GAS2: variants seen among roughly 807,000 people sequenced by gnomAD.
The protein encoded by GAS2 is growth arrest-specific protein 2.
A neutral mutation model predicts 37.5 loss-of-function variants in GAS2; 20 were observed. That is an observed-to-expected ratio of 0.53 (90% CI 0.37 to 0.77). The LOEUF (loss-of-function observed/expected upper bound fraction) is 0.77. Among genes scored for constraint, GAS2 ranks in the 30% least tolerant of loss-of-function variants. GAS2 has a pLI of 0.00. For missense variants in GAS2, 336 were observed against 373.4 expected, an observed-to-expected ratio of 0.90 and a Z score of 0.82; for synonymous variants, 144 against 132.2, an observed-to-expected ratio of 1.09 and a Z score of -0.61.
At chr11:22,713,399 G>A (rs990072535) in intron 3 of GAS2, among the ~76,000 whole-genome samples, 4 of 152,006 alleles carry the variant, frequency 2.6e-5, no homozygotes, top group Non-Finnish European at 5.9e-5. Flanking sequence ...TGTTCCCAAG[G>A]ATGAAGAGAA....
intron 7 of GAS2, among the ~76,000 whole-genome samples, chr11:22,795,981 A>T (rs1042583099): frequency 6.6e-6 from 1 of 152,178 alleles, no homozygotes; most frequent in South Asian, 2.1e-4. Context: ...GAAAATTTTC[A>T]TACACATAGA....
At chr11:22,700,985 A>G (rs1850809911) in intron 3 of GAS2, among the ~76,000 whole-genome samples, 1 of 152,194 alleles carries the variant, frequency 6.6e-6, no homozygotes, top group African/African-American at 2.4e-5. Context: ...TGCTCAATAA[A>G]ATAGTTGGTG....
At chr11:22,756,705 G>A (rs1854061044) in intron 7 of GAS2, among the ~76,000 whole-genome samples, 2 of 151,962 alleles carry the variant, frequency 1.3e-5, no homozygotes, top group Non-Finnish European at 2.9e-5. Flanking sequence ...TAATGTTAAT[G>A]GTTTTGAATT....
intron 7 of GAS2, 28 bp downstream of exon 7, chr11:22,755,981 TTTTTATGGGAAGATTCAGAA>T: frequency 8.9e-6 from 13 of 1,465,790 alleles, no homozygotes; most frequent in Non-Finnish European, 1.2e-5. Context: ...ACTTATCTTG[TTTTTATGGGAAGATTCAGAA>T]TTTGAGTTAG....
chr11:22,734,026 G>A (rs1162003032), intron 4 of GAS2, among the ~76,000 whole-genome samples: 2 of 151,696 alleles, frequency 1.3e-5, no homozygotes, highest in African/African-American at 4.8e-5. Flanking sequence ...GATGACATGT[G>A]CTTAAAATGA....
At chr11:22,782,587 G>A (rs1342651553) in intron 7 of GAS2, among the ~76,000 whole-genome samples, 2 of 151,786 alleles carry the variant, frequency 1.3e-5, no homozygotes, top group Non-Finnish European at 2.9e-5. Flanking sequence ...GTAGTCCCCA[G>A]TGTCTATTGT....
intron 7 of GAS2, among the ~76,000 whole-genome samples, chr11:22,794,892 T>G (rs539433486): frequency 2.6e-5 from 4 of 152,318 alleles, no homozygotes; most frequent in African/African-American, 9.6e-5. Flanking sequence ...CTTGTTCTGT[T>G]GGATCCACTA....
chr11:22,735,361 C>T (rs1240158874), intron 4 of GAS2, among the ~76,000 whole-genome samples: 4 of 150,080 alleles, frequency 2.7e-5, no homozygotes, highest in African/African-American at 4.9e-5. Context: ...GCAATATTTA[C>T]ACAAAGAAGT....
chr11:22,657,018 T>C (rs1456409367), intron 1 of GAS2, among the ~76,000 whole-genome samples: 2 of 152,114 alleles, frequency 1.3e-5, no homozygotes, highest in African/African-American at 2.4e-5. Flanking sequence ...AAGAGCATTG[T>C]AAAAAGAGAA....
chr11:22,636,787 A>G (rs1350574285), intron 1 of GAS2, among the ~76,000 whole-genome samples: 1 of 151,092 alleles, frequency 6.6e-6, no homozygotes, highest in Non-Finnish European at 1.5e-5. Context: ...AATATCAAAC[A>G]TACTACTTTC....
intron 1 of GAS2, among the ~76,000 whole-genome samples, chr11:22,644,773 C>T (rs896452494): frequency 4.6e-5 from 7 of 152,084 alleles, no homozygotes; most frequent in African/African-American, 1.4e-4. Flanking sequence ...AGGCATGCAC[C>T]ACCACACCTG....
At chr11:22,755,000 G>A (rs895244171) in intron 6 of GAS2, among the ~76,000 whole-genome samples, 3 of 152,094 alleles carry the variant, frequency 2.0e-5, no homozygotes, top group Non-Finnish European at 2.9e-5. Context: ...TGGTTGGTTG[G>A]TTAGTTGAAG....
At chr11:22,700,518 CAAG>C (rs1392752485) in intron 3 of GAS2, among the ~76,000 whole-genome samples, 2 of 152,062 alleles carry the variant, frequency 1.3e-5, no homozygotes, top group African/African-American at 4.8e-5. Flanking sequence ...AAAGCACTGA[CAAG>C]AGATTGGCTG....
rs182172087 is a variant in GAS2, at chr11:22,718,187, A to G, written c.268-8105A>G. On this transcript the variant is annotated intron_variant, in intron 3 of 7. Coordinates refer to ENST00000454584, the MANE Select transcript of GAS2 (RefSeq NM_001143830.3). ...TACACACGCATGTTTATAGCAGCACAATTTGCAATTGCGAAAATATGGAAC... is the reference window on the plus strand; with the variant it reads ...TACACACGCATGTTTATAGCAGCACGATTTGCAATTGCGAAAATATGGAAC... 1.6e-4 allele frequency among the ~76,000 whole-genome samples: 25 copies of G among 152,276 alleles called. No homozygotes were observed. The East Asian group carries it at 4.8e-3, about 29-fold the overall frequency.
intron 7 of GAS2, among the ~76,000 whole-genome samples, chr11:22,757,945 C>T (rs889704999): frequency 1.3e-5 from 2 of 152,160 alleles, no homozygotes; most frequent in Non-Finnish European, 2.9e-5. Context: ...AGGCAGGTCA[C>T]ATGTGCCTTG....
chr11:22,790,183 TGAGGTAATTGGAACACTGA>T (rs1217530198), intron 7 of GAS2, among the ~76,000 whole-genome samples: 1 of 151,830 alleles, frequency 6.6e-6, no homozygotes, highest in African/African-American at 2.4e-5. Flanking sequence ...TGGATGAGAG[TGAGGTAATTGGAACACTGA>T]GAGAAGGATT....
chr11:22,655,900 C>T (rs544090174), intron 1 of GAS2, among the ~76,000 whole-genome samples: 1 of 152,118 alleles, frequency 6.6e-6, no homozygotes, highest in Non-Finnish European at 1.5e-5. Context: ...TTAAATAGTT[C>T]TGAGGAAGAA....
chr11:22,660,416 T>C (rs1238961909), intron 1 of GAS2, among the ~76,000 whole-genome samples: 1 of 152,218 alleles, frequency 6.6e-6, no homozygotes, highest in African/African-American at 2.4e-5. Context: ...TACCTAACAT[T>C]CATTTAAAAC....
intron 7 of GAS2, among the ~76,000 whole-genome samples, chr11:22,778,185 C>T (rs1008399381): frequency 1.3e-5 from 2 of 152,198 alleles, no homozygotes; most frequent in Non-Finnish European, 2.9e-5. Context: ...CTGCTGTCCA[C>T]TTGCTATATA....
Sources: allele counts gnomAD v4.1 joint callset (sites outside exome capture counted in the v4.1 genomes callset), GRCh38; gene constraint gnomAD v4.1.1; transcripts MANE v1.5; gene names NCBI Gene and HGNC (gene_info 2026-07-23, HGNC 2026-07-21).